The following CSMD1 variants were observed in gnomAD, a reference collection of about 807,000 sequenced individuals.
CSMD1 encodes CUB and Sushi multiple domains 1, also known as CUB and sushi domain-containing protein 1.
CSMD1 carries 213 observed loss-of-function variants against 417.5 expected under a neutral mutation model. The observed-to-expected ratio is 0.51, with a 90% CI of 0.46 to 0.57. The LOEUF is 0.57. Among genes scored for constraint, CSMD1 ranks in the 20% least tolerant of loss-of-function variants. CSMD1 has a pLI of 0.00. For missense variants in CSMD1, 6,923 were observed against 4,529.7 expected, an observed-to-expected ratio of 1.53 and a Z score of -15.17; for synonymous variants, 2,862 against 1,736.8, an observed-to-expected ratio of 1.65 and a Z score of -16.11.
At chr8:4,101,983 G>T (rs554037297) in intron 3 of CSMD1, among the ~76,000 whole-genome samples, 1 of 152,136 alleles carries the variant, frequency 6.6e-6, no homozygotes, top group Non-Finnish European at 1.5e-5. Flanking sequence ...CCATGGTGTT[G>T]GGGACTGGGG....
chr8:4,739,969 C>G (rs1810499170), intron 1 of CSMD1, among the ~76,000 whole-genome samples: 1 of 152,162 alleles, frequency 6.6e-6, no homozygotes, highest in South Asian at 2.1e-4. Flanking sequence ...AGGGAAATAG[C>G]TGACTGGCCA....
At chr8:4,367,437 T>G (rs956653116) in intron 3 of CSMD1, among the ~76,000 whole-genome samples, 1 of 152,176 alleles carries the variant, frequency 6.6e-6, no homozygotes. Flanking sequence ...TCTGTACCAG[T>G]ACCATGATGT....
intron 26 of CSMD1, among the ~76,000 whole-genome samples, chr8:3,274,043 C>T (rs1802079450): frequency 1.3e-5 from 2 of 151,210 alleles, no homozygotes; most frequent in Admixed American, 6.6e-5. Context: ...TGGATCTTTC[C>T]TGCTTTCTCT....
intron 2 of CSMD1, among the ~76,000 whole-genome samples, chr8:4,424,430 C>G (rs544353315): frequency 1.3e-5 from 2 of 151,776 alleles, no homozygotes; most frequent in Non-Finnish European, 2.9e-5. Context: ...AATAAGCCCA[C>G]GAATATTTAC....
intron 4 of CSMD1, among the ~76,000 whole-genome samples, chr8:4,002,721 A>C (rs986731009): frequency 5.9e-5 from 9 of 152,224 alleles, no homozygotes; most frequent in Admixed American, 4.6e-4. Context: ...CAATATGATT[A>C]AATGTACATC....
chr8:4,903,567 G>C (rs968570266), intron 1 of CSMD1, among the ~76,000 whole-genome samples: 3 of 152,158 alleles, frequency 2.0e-5, no homozygotes, highest in African/African-American at 7.2e-5. Flanking sequence ...TCTCTCTGGT[G>C]GCAATTTAAA....
intron 29 of CSMD1, among the ~76,000 whole-genome samples, chr8:3,218,830 C>T (rs1407353976): frequency 6.6e-6 from 1 of 152,004 alleles, no homozygotes; most frequent in Non-Finnish European, 1.5e-5. Flanking sequence ...TGACATCGTG[C>T]CATTGCCCTC....
At chr8:2,995,103 T>A (rs1806765268) in intron 54 of CSMD1, among the ~76,000 whole-genome samples, 2 of 152,118 alleles carry the variant, frequency 1.3e-5, no homozygotes, top group South Asian at 4.1e-4. Flanking sequence ...AGGATGAAAG[T>A]CAAACGAGAG....
intron 68 of CSMD1, among the ~76,000 whole-genome samples, chr8:2,947,747 A>G (rs1031504770): frequency 6.6e-6 from 1 of 152,172 alleles, no homozygotes; most frequent in African/African-American, 2.4e-5. Flanking sequence ...GGCTTAGAGC[A>G]AGAGAAAAAA....
chr8:4,724,911 C>A (rs1463650824), intron 1 of CSMD1, among the ~76,000 whole-genome samples: 2 of 151,978 alleles, frequency 1.3e-5, no homozygotes, highest in South Asian at 2.1e-4. Flanking sequence ...ACAAATCATA[C>A]AGGTTTTTTT....
Position 3,378,223 on chromosome 8 carries a change from C to G in CSMD1, c.2783-8853G>C, listed in dbSNP as rs561690879. Among the ~76,000 whole-genome samples, 21 of 152,162 alleles carry G rather than the reference C, an allele frequency of 1.4e-4. 1 individual carries two copies. In the South Asian group the frequency reaches 3.1e-3, roughly 23 times the overall value. ...GGAAGAAGTCGAATCCCTGAATAGA[C>G]CAAAAACAAGTTCTGAAATTGAAGC... On this transcript the variant is annotated intron_variant, in intron 18 of 69. Transcript: ENST00000635120.
intron 1 of CSMD1, among the ~76,000 whole-genome samples, chr8:4,835,423 G>C (rs890241538): frequency 1.1e-4 from 17 of 152,164 alleles, no homozygotes; most frequent in South Asian, 4.1e-4. Context: ...AACATTAAGA[G>C]ACAAGAGGTA....
At chr8:4,091,908 G>C (rs982677845) in intron 3 of CSMD1, among the ~76,000 whole-genome samples, 1 of 152,284 alleles carries the variant, frequency 6.6e-6, no homozygotes, top group East Asian at 1.9e-4. Context: ...GTTTTAAATA[G>C]TCAGTGCTCC....
At chr8:3,865,806 G>A (rs1017458419) in intron 5 of CSMD1, among the ~76,000 whole-genome samples, 10 of 151,808 alleles carry the variant, frequency 6.6e-5, no homozygotes, top group Non-Finnish European at 1.5e-4. Context: ...CTCTTTTTTT[G>A]GTATACTGTA....
At chr8:4,884,234 T>C (rs899067428) in intron 1 of CSMD1, among the ~76,000 whole-genome samples, 1 of 151,962 alleles carries the variant, frequency 6.6e-6, no homozygotes, top group Non-Finnish European at 1.5e-5. Context: ...CACACACACA[T>C]ACCTATGTTT....
At chr8:3,993,115 T>C (rs974254267) in intron 5 of CSMD1, among the ~76,000 whole-genome samples, 3 of 152,214 alleles carry the variant, frequency 2.0e-5, no homozygotes, top group Non-Finnish European at 2.9e-5. Context: ...GCACTGATGC[T>C]ACATGAATTT....
chr8:3,270,905 T>C (rs1801796115), intron 26 of CSMD1, among the ~76,000 whole-genome samples: 3 of 74,866 alleles, frequency 4.0e-5, no homozygotes, highest in Non-Finnish European at 6.1e-5. Flanking sequence ...AGTCACATCT[T>C]TTTTTCTTTT....
chr8:3,737,819 G>T (rs1004600844), intron 6 of CSMD1, among the ~76,000 whole-genome samples: 5 of 152,214 alleles, frequency 3.3e-5, no homozygotes, highest in African/African-American at 7.2e-5. Context: ...CAAGATGGTA[G>T]TATTTAAAAC....
At chr8:3,888,541 T>A (rs1299623486) in intron 5 of CSMD1, among the ~76,000 whole-genome samples, 1 of 152,204 alleles carries the variant, frequency 6.6e-6, no homozygotes, top group Non-Finnish European at 1.5e-5. Flanking sequence ...GACCTTGTCA[T>A]GCCTCTTGTA....
Sources: allele counts gnomAD v4.1 joint callset (sites outside exome capture counted in the v4.1 genomes callset), GRCh38; gene constraint gnomAD v4.1.1; transcripts MANE v1.5; gene names NCBI Gene and HGNC (gene_info 2026-07-23, HGNC 2026-07-21).